The following SLC4A4 variants were observed in gnomAD, a reference collection of about 807,000 sequenced individuals.
SLC4A4 encodes the protein electrogenic sodium bicarbonate cotransporter 1.
In SLC4A4, 27 loss-of-function variants were observed where a neutral mutation model predicts 111.5. That is an observed-to-expected ratio of 0.24 (90% CI 0.18 to 0.33). SLC4A4 has a LOEUF of 0.33. Among genes scored for constraint, SLC4A4 ranks in the 10% least tolerant of loss-of-function variants. The pLI is 1.00. For synonymous variants in SLC4A4, 443 were observed against 463.4 expected, an observed-to-expected ratio of 0.96 and a Z score of 0.57; for missense variants, 909 against 1,315.5, an observed-to-expected ratio of 0.69 and a Z score of 4.78.
intron 15 of SLC4A4, among the ~76,000 whole-genome samples, chr4:71,497,248 G>A (rs530857445): frequency 1.3e-5 from 2 of 152,168 alleles, no homozygotes; most frequent in South Asian, 4.1e-4. Context: ...TGAACAAGTG[G>A]GCGATTTTAA....
intron 16 of SLC4A4, among the ~76,000 whole-genome samples, chr4:71,506,810 G>A (rs1731460502): frequency 6.6e-6 from 1 of 152,022 alleles, no homozygotes; most frequent in East Asian, 1.9e-4. Context: ...CTCCAAGGTT[G>A]AAAGAAAAGA....
At chr4:71,266,589 GA>G (rs2149074735) in intron 3 of SLC4A4, among the ~76,000 whole-genome samples, 1 of 152,262 alleles carries the variant, frequency 6.6e-6, no homozygotes, top group South Asian at 2.1e-4. Context: ...TCCCCGAGAG[GA>G]AATAAGCTAA....
intron 2 of SLC4A4, among the ~76,000 whole-genome samples, chr4:71,163,878 A>T (rs1280902309): frequency 6.6e-6 from 1 of 152,226 alleles, no homozygotes; most frequent in Non-Finnish European, 1.5e-5. Flanking sequence ...GTTTAAACTA[A>T]TTTCTTGTCC....
upstream of SLC4A4, among the ~76,000 whole-genome samples, chr4:71,182,379 CT>C (rs1745320594): frequency 6.6e-6 from 1 of 152,130 alleles, no homozygotes; most frequent in Non-Finnish European, 1.5e-5. Context: ...TAGATGGGTA[CT>C]AGCAACATCA....
chr4:71,427,601 T>C lies in SLC4A4; in HGVS notation c.808-13015T>C, dbSNP rs930987341. Among the ~76,000 whole-genome samples, 10 of 152,168 alleles carry C rather than the reference T, an allele frequency of 6.6e-5. No individual in the cohort carries two copies. In the South Asian group the frequency reaches 1.7e-3, roughly 25 times the overall value. On this transcript the variant is annotated intron_variant, in intron 7 of 25. Transcript: ENST00000264485. Reference sequence around the variant, plus strand: ...TCATTTGATCTTGTCTTCTGTTATGTCTAACAACTTCTGATTAAATGTCAG... The same window carrying C: ...TCATTTGATCTTGTCTTCTGTTATGCCTAACAACTTCTGATTAAATGTCAG...
chr4:71,384,672 T>C (rs1718499959), intron 6 of SLC4A4, among the ~76,000 whole-genome samples: 1 of 152,034 alleles, frequency 6.6e-6, no homozygotes, highest in African/African-American at 2.4e-5. Flanking sequence ...ATTACCTCAT[T>C]TGTACACCTT....
chr4:71,557,234 T>C lies in SLC4A4; in HGVS notation c.2764-478T>C, dbSNP rs140037660. 7.9e-5 allele frequency among the ~76,000 whole-genome samples: 12 copies of C among 152,140 alleles called. No homozygotes were observed. The East Asian group carries it at 2.3e-3, about 30-fold the overall frequency. On this transcript the variant is annotated intron_variant, in intron 21 of 25. Coordinates refer to ENST00000264485, the MANE Select transcript of SLC4A4 (RefSeq NM_001098484.3). The stretch of plus-strand genomic sequence containing the variant: ...ACATAATGTATTCCCATTTTTAAGT[T>C]GGATACTTCCTTTATATCCTTAAAA...
At chr4:71,199,033 T>C (rs1180297940) in intron 1 of SLC4A4, among the ~76,000 whole-genome samples, 1 of 152,172 alleles carries the variant, frequency 6.6e-6, no homozygotes, top group Admixed American at 6.5e-5. Flanking sequence ...TTTTGGGTGG[T>C]TATTCTCTCT....
intron 19 of SLC4A4, among the ~76,000 whole-genome samples, chr4:71,547,232 G>A (rs1227768938): frequency 1.3e-5 from 2 of 151,974 alleles, no homozygotes; most frequent in African/African-American, 4.8e-5. Flanking sequence ...TCCTTGAGCT[G>A]TTTGTTAATT....
chr4:71,361,978 A>T (rs1219381778), intron 6 of SLC4A4, among the ~76,000 whole-genome samples: 3 of 152,202 alleles, frequency 2.0e-5, no homozygotes, highest in African/African-American at 7.2e-5. Flanking sequence ...TACCATTTAA[A>T]TGAGTACTTT....
Position 71,294,178 on chromosome 4 carries a change from A to C in SLC4A4, c.253+38779A>C, listed in dbSNP as rs1055605236. Among the ~76,000 whole-genome samples the C allele has an allele frequency of 5.3e-5, 8 of 152,348 alleles. No homozygotes were observed. The East Asian group carries it at 1.5e-3, about 29-fold the overall frequency. ...CAAAAATAAACTAAATAAAATAAGC[A>C]GTAAGATTTCTTTGAATTTAAGGGA... On this transcript the variant is annotated intron_variant, in intron 3 of 25. Coordinates refer to ENST00000264485, the MANE Select transcript of SLC4A4 (RefSeq NM_001098484.3).
intron 1 of SLC4A4, among the ~76,000 whole-genome samples, chr4:71,219,426 C>CT (rs374439018): frequency 4.5e-4 from 69 of 152,324 alleles, no homozygotes; most frequent in African/African-American, 1.4e-3. Context: ...TTGAGACCTA[C>CT]TTTCAAAATT....
At chr4:71,464,123 A>G (rs1362814203) in intron 12 of SLC4A4, among the ~76,000 whole-genome samples, 1 of 152,166 alleles carries the variant, frequency 6.6e-6, no homozygotes, top group Non-Finnish European at 1.5e-5. Flanking sequence ...TGTAAAAAAG[A>G]AAGATAAATT....
intron 3 of SLC4A4, among the ~76,000 whole-genome samples, chr4:71,326,014 T>C (rs536884016): frequency 6.6e-6 from 1 of 151,842 alleles, no homozygotes; most frequent in Admixed American, 6.6e-5. Context: ...TTTAAGTGTG[T>C]TTTTAGAGTG....
chr4:71,367,670 A>G (rs1731453870), intron 6 of SLC4A4, among the ~76,000 whole-genome samples: 1 of 152,212 alleles, frequency 6.6e-6, no homozygotes. Flanking sequence ...AAAGTTGCAA[A>G]GAACTTCAAT....
intron 7 of SLC4A4, among the ~76,000 whole-genome samples, chr4:71,404,783 A>G (rs1281786877): frequency 6.6e-6 from 1 of 151,958 alleles, no homozygotes; most frequent in Non-Finnish European, 1.5e-5. Flanking sequence ...TTGTAAATAT[A>G]TATAGGGAAT....
At chr4:71,305,385 G>A (rs979056616) in intron 3 of SLC4A4, among the ~76,000 whole-genome samples, 2 of 152,200 alleles carry the variant, frequency 1.3e-5, no homozygotes, top group Non-Finnish European at 2.9e-5. Context: ...AATTGCAACT[G>A]TCCCTTTAGC....
At chr4:71,063,890 T>C (rs548398552) in intron 1 of SLC4A4, among the ~76,000 whole-genome samples, 25 of 152,214 alleles carry the variant, frequency 1.6e-4, no homozygotes, top group African/African-American at 6.0e-4. Flanking sequence ...TTAAAAATAA[T>C]TTTTTTACAG....
At chr4:71,363,229 G>A (rs941635431) in intron 6 of SLC4A4, among the ~76,000 whole-genome samples, 3 of 152,174 alleles carry the variant, frequency 2.0e-5, no homozygotes, top group Admixed American at 1.3e-4. Flanking sequence ...CAATTTTTAT[G>A]TTAATAGTAA....
Sources: allele counts gnomAD v4.1 joint callset (sites outside exome capture counted in the v4.1 genomes callset), GRCh38; gene constraint gnomAD v4.1.1; transcripts MANE v1.5; gene names NCBI Gene and HGNC (gene_info 2026-07-23, HGNC 2026-07-21).